ZNF662: variants seen among roughly 807,000 people sequenced by gnomAD.
The protein encoded by ZNF662 is zinc finger protein 662.
In ZNF662, 14 loss-of-function variants were observed where a neutral mutation model predicts 12.4. The observed-to-expected ratio is 1.13, with a 90% confidence interval of 0.75 to 1.77. ZNF662 has a LOEUF of 1.77. ZNF662 is among the 40% of genes most tolerant of loss of function. The pLI is 0.00. For missense variants in ZNF662, 550 were observed against 515.6 expected (o/e 1.07, Z -0.65); for synonymous variants, 184 against 176.4 (o/e 1.04, Z -0.34).
In ZNF662 at chr3:42,914,741, AGGAATGTG is replaced by A; in HGVS notation, c.673_680del (p.Cys225GlyfsTer22). Reference sequence around the variant, plus strand: ...AATGGAGAGAAGGTCTATGGATGTAAGGAATGTGGGAAGGCTTTCAGTTTTCGATCACA... The same window carrying A: ...AATGGAGAGAAGGTCTATGGATGTAAGGAAGGCTTTCAGTTTTCGATCACA... On this transcript the variant is annotated frameshift_variant, in exon 5 of 5. Transcript: ENST00000440367. LOFTEE classifies it low-confidence loss of function (END_TRUNC). 6.2e-7 allele frequency: 1 copy of A among 1,614,224 alleles called. No homozygotes were observed. Among genetic ancestry groups the A allele is most frequent in the South Asian group, 1.1e-5 (1 of 91,082 alleles).
At position 42,915,468 on chromosome 3, in the gene ZNF662, A is replaced by G; in HGVS notation, c.*114A>G. 2.0e-6 allele frequency: 2 copies of G among 983,002 alleles called. No homozygotes were observed. 60.9% of individuals were successfully genotyped at this position (983,002 alleles called of 1,614,324 possible). Reference sequence around the variant, plus strand: ...ACCCTTAACTTAAATAGCCAGTATTATCTTGCCCTTTTGAACATTTACCAT... The same window carrying G: ...ACCCTTAACTTAAATAGCCAGTATTGTCTTGCCCTTTTGAACATTTACCAT... On this transcript the variant is annotated 3_prime_UTR_variant, in exon 5 of 5. Coordinates refer to ENST00000440367, the MANE Select transcript of ZNF662 (RefSeq NM_207404.4).
rs766831192 is a variant in ZNF662 at position 42,914,395 on chromosome 3, C to T, written c.322C>T (p.Leu108Phe). 5 of 1,613,826 alleles carry T rather than the reference C, an allele frequency of 3.1e-6. No homozygotes were observed. The Admixed American group carries it at 5.0e-5, about 16-fold the overall frequency. ...KEEIIEEAQDLMVLSSGPQWC... is the reference protein window; with the variant it reads ...KEEIIEEAQDFMVLSSGPQWC... ...GGAAATTATTGAGGAAGCACAGGAC[C>T]TCATGGTCCTATCAAGTGGACCCCA... The change falls in exon 5 of 5, where the codon CTC becomes TTC. Residue 108 changes from leucine to phenylalanine, a missense_variant. Leu to Phe is a conservative substitution (Grantham distance 22). Coordinates refer to ENST00000440367, the MANE Select transcript of ZNF662 (RefSeq NM_207404.4).
intron 1 of ZNF662, chr3:42,907,677 G>T: frequency 1.0e-6 from 1 of 985,224 alleles, no homozygotes; most frequent in Non-Finnish European, 1.2e-6. Flanking sequence ...GTTATCAAGG[G>T]TGGGTGACCT....
In ZNF662 at chr3:42,912,057, T is replaced by G. The variant is rs549793064; in HGVS notation, c.152-1144T>G. The G allele has an allele frequency of 5.3e-5, 8 of 151,346 alleles. 1 individual carries two copies. The South Asian group carries it at 1.7e-3, about 31-fold the overall frequency. 9.4% of individuals were successfully genotyped at this position (151,346 alleles called of 1,614,324 possible). A position where few individuals can be genotyped will look rare whatever the true frequency, so the allele number is the denominator to read the frequency against. On this transcript the variant is annotated intron_variant, in intron 3 of 4. Transcript: ENST00000440367. Reference sequence around the variant, plus strand: ...AGGCCTTCATCTTTTCTATTTCTTCTTGACGTTTTAAAGTGAGTGATATGT... The same window carrying G: ...AGGCCTTCATCTTTTCTATTTCTTCGTGACGTTTTAAAGTGAGTGATATGT...
In ZNF662 at chr3:42,908,903, T is replaced by C; in HGVS notation, c.145T>C (p.Ser49Pro). 6.2e-7 allele frequency: 1 copy of C among 1,613,036 alleles called. No homozygotes were observed. Among genetic ancestry groups the C allele is most frequent in the Non-Finnish European group, 8.5e-7 (1 of 1,179,100 alleles). Residue 49 changes from serine to proline, a missense_variant, in exon 3 of 5, where the codon TCC becomes CCC. Coordinates refer to ENST00000440367, the MANE Select transcript of ZNF662 (RefSeq NM_207404.4). ...GGATGGAGAGGCCCCAAGGGGCATC[T>C]CCTCAGGTGAGTGAGGGCACACGTG... Reference protein sequence around the residue: ...ALDGEAPRGISSGYPFLKPAG... With the variant: ...ALDGEAPRGIPSGYPFLKPAG...
In ZNF662 at chr3:42,918,315, G is replaced by A. The variant is rs2088915376; in HGVS notation, c.*2961G>A. ...AGGGCAGAATTTATTAAGTGAAAAG[G>A]AAAACTCTCAACAAAAAGAGGGGTC... On this transcript the variant is annotated 3_prime_UTR_variant, in exon 5 of 5. Coordinates refer to ENST00000440367, the MANE Select transcript of ZNF662 (RefSeq NM_207404.4). Among the ~76,000 whole-genome samples, 1 of 152,098 alleles carries A rather than the reference G, an allele frequency of 6.6e-6. No homozygotes were observed. Among genetic ancestry groups the A allele is most frequent in the South Asian group, 2.1e-4 (1 of 4,826 alleles).
intron 3 of ZNF662, among the ~76,000 whole-genome samples, chr3:42,912,721 TTTTTTATATATATAA>T (rs2088842214): frequency 2.9e-5 from 2 of 69,902 alleles, no homozygotes; most frequent in African/African-American, 1.2e-4. Context: ...TATATATATA[TTTTTTATATATATAA>T]ATATATATAT....
At position 42,919,259 on chromosome 3, in the gene ZNF662, C is replaced by T. The variant is rs1310124496; in HGVS notation, c.*3905C>T. Among the ~76,000 whole-genome samples the T allele has an allele frequency of 2.6e-5, 4 of 152,196 alleles. No homozygotes were observed. The highest frequency in any genetic ancestry group is 6.5e-5 in the Admixed American group (1 of 15,282). On this transcript the variant is annotated 3_prime_UTR_variant, in exon 5 of 5. Coordinates refer to ENST00000440367, the MANE Select transcript of ZNF662 (RefSeq NM_207404.4). ...ATATATAAGTCTTGAAACATAATTT[C>T]TCTCCAGTTCTCATTTTTGTTAAAA...
Position 42,915,310 on chromosome 3 carries a change from G to A in ZNF662, c.1237G>A (p.Asp413Asn). Residue 413 changes from aspartate to asparagine, a missense_variant, in exon 5 of 5, where the codon GAC becomes AAC. Transcript: ENST00000440367. Reference sequence around the variant, plus strand: ...TAAGCACCAGAGGCGCCATGCTAGAGACAAACCCTATAACTGTCAGATCTC... The same window carrying A: ...TAAGCACCAGAGGCGCCATGCTAGAAACAAACCCTATAACTGTCAGATCTC... ...LIKHQRRHAR[D>N]KPYNCQISHL... is the part of the protein sequence containing the mutation. The A allele has an allele frequency of 6.2e-7, 1 of 1,605,718 alleles. No homozygotes were observed. The highest frequency in any genetic ancestry group is 8.5e-7 in the Non-Finnish European group (1 of 1,176,300).
chr3:42,914,435 A>G lies in ZNF662; in HGVS notation c.362A>G (p.Gln121Arg). The change falls in exon 5 of 5, where the codon CAG becomes CGG. Residue 121 changes from glutamine to arginine, a missense_variant. Gln to Arg is a conservative substitution (Grantham distance 43, BLOSUM62 1). Transcript: ENST00000440367. ...AGTGGACCCCAGTGGTGTGGATCCC[A>G]GGAATTATGGTTTGGGAAAACCTGT... Reference protein sequence around the residue: ...LSSGPQWCGSQELWFGKTCEE... With the variant: ...LSSGPQWCGSRELWFGKTCEE... 1 of 1,613,668 alleles carries G rather than the reference A, an allele frequency of 6.2e-7. No individual in the cohort carries two copies. The highest frequency in any genetic ancestry group is 8.5e-7 in the Non-Finnish European group (1 of 1,179,860).
intron 2 of ZNF662, 183 bp from the exon 3 acceptor site, chr3:42,908,610 T>C: frequency 1.4e-6 from 2 of 1,450,576 alleles, no homozygotes; most frequent in Non-Finnish European, 1.8e-6. Context: ...TCTGTCAACT[T>C]CCTGACCTTT....
At chr3:42,914,251 A>G in intron 4 of ZNF662, 76 bp from the exon 5 acceptor site, 3 of 1,342,342 alleles carry the variant, frequency 2.2e-6, no homozygotes, top group Non-Finnish European at 3.1e-6. Flanking sequence ...AAGTGGACGT[A>G]TTAATACCAC....
At chr3:42,912,778 C>T (rs1267469782) in intron 3 of ZNF662, among the ~76,000 whole-genome samples, 6 of 123,620 alleles carry the variant, frequency 4.9e-5, no homozygotes, top group East Asian at 4.9e-4. Context: ...CTCACTCTGT[C>T]GCCCAGGCTG....
intron 3 of ZNF662, among the ~76,000 whole-genome samples, chr3:42,910,855 G>T (rs2088777595): frequency 6.6e-6 from 1 of 152,118 alleles, no homozygotes; most frequent in Non-Finnish European, 1.5e-5. Flanking sequence ...CTTGATTGCA[G>T]GTATTAAAAC....
intron 1 of ZNF662, among the ~76,000 whole-genome samples, chr3:42,907,263 G>A (rs1293315781): frequency 6.6e-6 from 1 of 152,238 alleles, no homozygotes; most frequent in Non-Finnish European, 1.5e-5. Flanking sequence ...GGGTAAGCAA[G>A]TGAGGTGGGA....
chr3:42,913,193 C>A lies in ZNF662; in HGVS notation c.152-8C>A. The A allele has an allele frequency of 6.2e-7, 1 of 1,609,628 alleles. No homozygotes were observed. Among genetic ancestry groups the A allele is most frequent in the Non-Finnish European group, 8.5e-7 (1 of 1,176,092 alleles). ...GAGTCAGCCTTATTTGTATCTTGACCCTGGCAGGATATCCATTTCTAAAGC... is the reference window on the plus strand; with the variant it reads ...GAGTCAGCCTTATTTGTATCTTGACACTGGCAGGATATCCATTTCTAAAGC... On this transcript the variant is annotated splice_region_variant and splice_polypyrimidine_tract_variant and intron_variant, in intron 3 of 4. Transcript: ENST00000440367.
In ZNF662 at chr3:42,917,475, A is replaced by G. The variant is rs774144000; in HGVS notation, c.*2121A>G. 7 of 697,340 alleles carry G rather than the reference A, an allele frequency of 1.0e-5. No homozygotes were observed. Among genetic ancestry groups the G allele is most frequent in the Admixed American group, 2.1e-5 (1 of 48,488 alleles). 43.2% of individuals were successfully genotyped at this position (697,340 alleles called of 1,614,324 possible). A position where few individuals can be genotyped will look rare whatever the true frequency, so the allele number is the denominator to read the frequency against. On this transcript the variant is annotated 3_prime_UTR_variant, in exon 5 of 5. Coordinates refer to ENST00000440367, the MANE Select transcript of ZNF662 (RefSeq NM_207404.4). ...GGAGATTCTCAAGCTTCCAGGTGCT[A>G]CCATATGGAGCCTAAGGATAAAGCC...
In ZNF662 at chr3:42,909,140, A is replaced by G. The variant is rs544494775; in HGVS notation, c.151+231A>G. Among the ~76,000 whole-genome samples the G allele has an allele frequency of 2.6e-4, 40 of 152,210 alleles. No homozygotes were observed. The South Asian group carries it at 7.9e-3, about 30-fold the overall frequency. On this transcript the variant is annotated intron_variant, in intron 3 of 4. Coordinates refer to ENST00000440367, the MANE Select transcript of ZNF662 (RefSeq NM_207404.4). ...GGGGATTTGGCAGGGTCATAGGACA[A>G]TAGTGGAGGGAAGGTCAGCAGATAA... is the stretch of plus-strand genomic sequence containing the variant.
chr3:42,915,112 CT>C lies in ZNF662; in HGVS notation c.1042del (p.Ser348LeufsTer56). Reference protein sequence around the residue: ...CGKGFMWNSDLSQHQRVHTGD... With the variant: ...CGKGFMWNSDXSQHQRVHTGD... ...GAAGGGCTTCATGTGGAACTCAGATCTTTCTCAGCACCAGAGGGTCCACACT... is the reference window on the plus strand; with the variant it reads ...GAAGGGCTTCATGTGGAACTCAGATCTTCTCAGCACCAGAGGGTCCACACT... On this transcript the variant is annotated frameshift_variant, in exon 5 of 5. Coordinates refer to ENST00000440367, the MANE Select transcript of ZNF662 (RefSeq NM_207404.4). LOFTEE classifies it low-confidence loss of function (END_TRUNC). The C allele has an allele frequency of 6.2e-7, 1 of 1,614,106 alleles. No individual in the cohort carries two copies. The highest frequency in any genetic ancestry group is 2.2e-5 in the East Asian group (1 of 44,882).
Sources: gnomAD v4.1 joint callset for allele counts (sites outside exome capture counted in the v4.1 genomes callset) on GRCh38, gnomAD v4.1.1 for gene constraint, MANE v1.5 for transcripts, NCBI Gene and HGNC (gene_info 2026-07-23, HGNC 2026-07-21) for gene names.